Variants in MAP3K6 observed in about 807,000 individuals in gnomAD.
The protein encoded by MAP3K6 is mitogen-activated protein kinase kinase kinase 6, also known as apoptosis signal-regulating kinase 2.
A neutral mutation model predicts 147.1 loss-of-function variants in MAP3K6; 105 were observed. The observed-to-expected ratio is 0.71, with a 90% CI of 0.61 to 0.84. The LOEUF (loss-of-function observed/expected upper bound fraction) is 0.84. MAP3K6 is among the 40% of genes least tolerant of loss of function. The probability of loss-of-function intolerance (pLI) is 0.00; values close to 1 mark genes in which losing one functional copy is unlikely to be tolerated. For synonymous variants in MAP3K6, 695 were observed against 732.4 expected (o/e 0.95, Z 0.82); for missense variants, 1,569 against 1,715.0 (o/e 0.91, Z 1.50).
In MAP3K6 at chr1:27,366,042, C is replaced by T; in HGVS notation, c.340+216G>A. Among the ~76,000 whole-genome samples the T allele has an allele frequency of 6.6e-6, 1 of 152,028 alleles. No individual in the cohort carries two copies. ...CAACCTCGAGCCCTAGAGCCGCGCCCGGATCCCTGTCTCGTCCCGAGCCCG... is the reference window on the plus strand; with the variant it reads ...CAACCTCGAGCCCTAGAGCCGCGCCTGGATCCCTGTCTCGTCCCGAGCCCG... On this transcript the variant is annotated intron_variant, in intron 1 of 28. Transcript: ENST00000357582. The surrounding 1 kb of genome is among the most constrained non-coding windows in gnomAD (Gnocchi z 5.5).
chr1:27,360,642 C>G lies in MAP3K6; in HGVS notation c.2054+63G>C, dbSNP rs971280793. The G allele has an allele frequency of 7.1e-6, 11 of 1,554,164 alleles. No homozygotes were observed. Among genetic ancestry groups the G allele is most frequent in the African/African-American group, 1.4e-5 (1 of 73,458 alleles). On this transcript the variant is annotated intron_variant, in intron 15 of 28. Transcript: ENST00000357582. The surrounding 1 kb of genome is among the most constrained non-coding windows in gnomAD (Gnocchi z 4.5). ...CCCCGCCCACAGGAGCCGCTCCGCT[C>G]GTGGCCCGGCTCACTCGGCCCTCGC...
At position 27,358,784 on chromosome 1, in the gene MAP3K6, G is replaced by T. The variant is rs776884617; in HGVS notation, c.2508C>A (p.Gly836=). Reference sequence around the variant, plus strand: ...CTGTGGCCATCTCAATGACAGTGCAGCCCAGTGACCAGATGTCAGCTGCTT... The same window carrying T: ...CTGTGGCCATCTCAATGACAGTGCATCCCAGTGACCAGATGTCAGCTGCTT... ...YGKAADIWSL[G]CTVIEMATGR... Residue 836 remains glycine, a synonymous_variant, in exon 19 of 29, where the codon GGC becomes GGA. Coordinates refer to ENST00000357582, the MANE Select transcript of MAP3K6 (RefSeq NM_004672.5). This position sits in a 1 kb window ranked among gnomAD's most constrained non-coding sequence, Gnocchi z 6.2. 6 of 1,613,840 alleles carry T rather than the reference G, an allele frequency of 3.7e-6. No homozygotes were observed. Among genetic ancestry groups the T allele is most frequent in the Admixed American group, 3.3e-5 (2 of 59,980 alleles).
Position 27,364,736 on chromosome 1 carries a change from G to A in MAP3K6, c.480+37C>T. 1.2e-6 allele frequency: 2 copies of A among 1,614,064 alleles called. No homozygotes were observed. Among genetic ancestry groups the A allele is most frequent in the Non-Finnish European group, 1.7e-6 (2 of 1,179,944 alleles). ...GGTGTTCTGTGTAGGCCTTACCCCAGCCCTGTGCCTGCCTCCACCAGCCCC... is the reference window on the plus strand; with the variant it reads ...GGTGTTCTGTGTAGGCCTTACCCCAACCCTGTGCCTGCCTCCACCAGCCCC... On this transcript the variant is annotated intron_variant, in intron 2 of 28. Coordinates refer to ENST00000357582, the MANE Select transcript of MAP3K6 (RefSeq NM_004672.5). The surrounding 1 kb of genome is among the most constrained non-coding windows in gnomAD (Gnocchi z 4.4).
At position 27,362,146 on chromosome 1, in the gene MAP3K6, G is replaced by A. The variant is rs753492622; in HGVS notation, c.1360C>T (p.Pro454Ser). 3.1e-6 allele frequency: 5 copies of A among 1,613,728 alleles called. No homozygotes were observed. The East Asian group carries it at 6.7e-5, about 22-fold the overall frequency. ...YLGAQILAND[P>S]TQVVLAAEQL... The stretch of plus-strand genomic sequence containing the variant: ...TCTGCAGCCAGCACCACCTGGGTGG[G>A]GTCATTGGCGAGGATCTGGGCTCCC... Residue 454 changes from proline to serine, a missense_variant, in exon 9 of 29, where the codon CCC becomes TCC. By Grantham distance (74) the Pro-to-Ser change is moderately conservative (BLOSUM62 -1). Transcript: ENST00000357582.
In MAP3K6 at chr1:27,358,353, C is replaced by G; in HGVS notation, c.2777-34G>C. Reference sequence around the variant, plus strand: ...GGGACAGAGCCATCAGCTGGGCTCTCCTCCACCCTCACAGCTCCACAACTC... The same window carrying G: ...GGGACAGAGCCATCAGCTGGGCTCTGCTCCACCCTCACAGCTCCACAACTC... On this transcript the variant is annotated intron_variant, in intron 20 of 28. Coordinates refer to ENST00000357582, the MANE Select transcript of MAP3K6 (RefSeq NM_004672.5). The surrounding 1 kb of genome is among the most constrained non-coding windows in gnomAD (Gnocchi z 6.2). The G allele has an allele frequency of 6.3e-7, 1 of 1,593,232 alleles. No individual in the cohort carries two copies. Among genetic ancestry groups the G allele is most frequent in the Non-Finnish European group, 8.5e-7 (1 of 1,174,386 alleles).
rs764168908 is a variant in MAP3K6 at position 27,356,635 on chromosome 1, G to A, written c.3479C>T (p.Ala1160Val). The A allele has an allele frequency of 6.2e-7, 1 of 1,612,478 alleles. No homozygotes were observed. Among genetic ancestry groups the A allele is most frequent in the Non-Finnish European group, 8.5e-7 (1 of 1,179,224 alleles). ...GAGGCTCAGCTGCACCATCAGAGGA[G>A]CGGGGCCCTGCTCGGGCTCCACCGG... is the stretch of plus-strand genomic sequence containing the variant. ...PLPVEPEQGP[A>V]PLMVQLSLLR... Residue 1160 changes from alanine (A) to valine (V), a missense_variant, in exon 25 of 29, where the codon GCT (alanine) becomes GTT (valine). Ala to Val is a moderately conservative substitution (Grantham distance 64). Coordinates refer to ENST00000357582, the MANE Select transcript of MAP3K6 (RefSeq NM_004672.5).
At chr1:27,362,306 C>A in intron 8 of MAP3K6, 56 bp from the exon 9 acceptor site, 1 of 1,535,422 alleles carries the variant, frequency 6.5e-7, no homozygotes, top group Non-Finnish European at 8.8e-7. Context: ...GAGTGAGGCC[C>A]ACCATTTCTG....
Position 27,363,979 on chromosome 1 carries a change from T to C in MAP3K6, c.802A>G (p.Ser268Gly), listed in dbSNP as rs2015879079. 3 of 1,610,786 alleles carry C rather than the reference T, an allele frequency of 1.9e-6. No individual in the cohort carries two copies. The highest frequency in any genetic ancestry group is 2.5e-6 in the Non-Finnish European group (3 of 1,179,882). ...ATGTCGGGGCTCAGCAGCTCCACGC[T>C]GTCCAGTCTCCGCTGCAGGCGAGCC... ...ELARLQRRLD[S>G]VELLSPDIIM... The change falls in exon 5 of 29, where the codon AGC (serine) becomes GGC (glycine). Residue 268 changes from serine to glycine, a missense_variant. Physicochemically the swap from Ser to Gly is moderately conservative, Grantham distance 56. Coordinates refer to ENST00000357582, the MANE Select transcript of MAP3K6 (RefSeq NM_004672.5).
chr1:27,358,627 G>A lies in MAP3K6; in HGVS notation c.2584-16C>T, dbSNP rs372661490. Reference sequence around the variant, plus strand: ...ACATACCCACCTGTGGGGGGAGGGTGAACAAGGGTGACATTCAGAGGTGTC... The same window carrying A: ...ACATACCCACCTGTGGGGGGAGGGTAAACAAGGGTGACATTCAGAGGTGTC... On this transcript the variant is annotated splice_polypyrimidine_tract_variant and intron_variant, in intron 19 of 28. Transcript: ENST00000357582. The surrounding 1 kb of genome is among the most constrained non-coding windows in gnomAD (Gnocchi z 6.2). The A allele has an allele frequency of 3.1e-6, 5 of 1,613,342 alleles. No individual in the cohort carries two copies. The highest frequency in any genetic ancestry group is 1.3e-5 in the African/African-American group (1 of 74,902).
rs761377588 is a variant in MAP3K6 at position 27,360,401 on chromosome 1, C to G, written c.2055-33G>C. The G allele has an allele frequency of 6.2e-7, 1 of 1,600,046 alleles. No individual in the cohort carries two copies. Among genetic ancestry groups the G allele is most frequent in the Non-Finnish European group, 8.5e-7 (1 of 1,171,806 alleles). ...GAGGTAAGGGAGAGAGGAAAGGGAC[C>G]GAGGTGGGCAGAGAAGCCCCGCCCA... On this transcript the variant is annotated intron_variant, in intron 15 of 28. Transcript: ENST00000357582. The surrounding 1 kb of genome is among the most constrained non-coding windows in gnomAD (Gnocchi z 4.5).
Position 27,364,654 on chromosome 1 carries a change from T to C in MAP3K6, c.504+7A>G. On this transcript the variant is annotated splice_region_variant and intron_variant, in intron 3 of 28. Transcript: ENST00000357582. The surrounding 1 kb of genome is among the most constrained non-coding windows in gnomAD (Gnocchi z 4.4). ...GCACTTTTGAGTGAGAGGTGGATTCTGCTCACCGAGTTCTTCTGGAAAACA... is the reference window on the plus strand; with the variant it reads ...GCACTTTTGAGTGAGAGGTGGATTCCGCTCACCGAGTTCTTCTGGAAAACA... The C allele has an allele frequency of 6.2e-7, 1 of 1,614,140 alleles. No homozygotes were observed. The highest frequency in any genetic ancestry group is 1.7e-5 in the Admixed American group (1 of 60,006).
rs1465406331 is a variant in MAP3K6 at position 27,362,664 on chromosome 1, T to C, written c.1232A>G (p.Asp411Gly). Residue 411 changes from aspartate to glycine, a missense_variant, in exon 8 of 29, where the codon GAT becomes GGT. Transcript: ENST00000357582. ...LLIAAGQHFEDSKELRLIGMK... is the reference protein window; with the variant it reads ...LLIAAGQHFEGSKELRLIGMK... ...ACCTATTAGCCGGAGCTCTTTGGAA[T>C]CCTCAAAGTGCTGCCCGGCAGCAAT... 1.3e-6 allele frequency: 2 copies of C among 1,598,856 alleles called. No individual in the cohort carries two copies. Among genetic ancestry groups the C allele is most frequent in the Non-Finnish European group, 1.7e-6 (2 of 1,171,542 alleles).
chr1:27,356,393 G>C lies in MAP3K6; in HGVS notation c.3632C>G (p.Pro1211Arg). ...TCCAGCCAAGGCCCACTCACTTGGA[G>C]GCTCTGGGGCCAGGACATAGGTCCG... is the stretch of plus-strand genomic sequence containing the variant. ...EARTYVLAPE[P>R]PTALSTDQGL... Residue 1211 changes from proline to arginine, a missense_variant, in exon 26 of 29, where the codon CCT becomes CGT. Coordinates refer to ENST00000357582, the MANE Select transcript of MAP3K6 (RefSeq NM_004672.5). 1 of 1,606,696 alleles carries C rather than the reference G, an allele frequency of 6.2e-7. No individual in the cohort carries two copies. Among genetic ancestry groups the C allele is most frequent in the South Asian group, 1.1e-5 (1 of 89,998 alleles).
At position 27,358,672 on chromosome 1, in the gene MAP3K6, A is replaced by G; in HGVS notation, c.2583+37T>C. On this transcript the variant is annotated intron_variant, in intron 19 of 28. Coordinates refer to ENST00000357582, the MANE Select transcript of MAP3K6 (RefSeq NM_004672.5). The surrounding 1 kb of genome is among the most constrained non-coding windows in gnomAD (Gnocchi z 6.2). ...GGTGTCCAAGGCCCAGGCTGGCCCT[A>G]TGCCACTTCCATGGGCCAGGCCCAA... The G allele has an allele frequency of 1.9e-6, 3 of 1,613,682 alleles. No homozygotes were observed. Among genetic ancestry groups the G allele is most frequent in the Admixed American group, 1.7e-5 (1 of 59,994 alleles).
chr1:27,357,942 G>C lies in MAP3K6; in HGVS notation c.2916-66C>G, dbSNP rs1035620039. 2.1e-4 allele frequency: 322 copies of C among 1,500,730 alleles called. 1 individual carries two copies. The highest frequency in any genetic ancestry group is 1.2e-3 in the Middle Eastern group (5 of 4,188). The allele number at this position is 1,500,730 out of a possible 1,614,324, so 93.0% of individuals were successfully genotyped here. A position where few individuals can be genotyped will look rare whatever the true frequency, so the allele number is the denominator to read the frequency against. ...ACCGGCCAGTCACCTCTGTTGCCGG[G>C]TTTGAATCCTGGCTCTCCTACTTTT... On this transcript the variant is annotated intron_variant, in intron 21 of 28. Coordinates refer to ENST00000357582, the MANE Select transcript of MAP3K6 (RefSeq NM_004672.5).
In MAP3K6 at chr1:27,361,884, A is replaced by G; in HGVS notation, c.1416-17T>C. ...ACCAGGTACCTGCATGCAAAGCCAC[A>G]TCCTCAGTTCAGCCCAGGCACCAAC... On this transcript the variant is annotated splice_polypyrimidine_tract_variant and intron_variant, in intron 9 of 28. Coordinates refer to ENST00000357582, the MANE Select transcript of MAP3K6 (RefSeq NM_004672.5). The G allele has an allele frequency of 1.3e-6, 2 of 1,529,212 alleles. No homozygotes were observed. The highest frequency in any genetic ancestry group is 1.8e-6 in the Non-Finnish European group (2 of 1,134,828). 94.7% of individuals were successfully genotyped at this position (1,529,212 alleles called of 1,614,324 possible).
At position 27,362,250 on chromosome 1, in the gene MAP3K6, C is replaced by A; in HGVS notation, c.1256G>T (p.Gly419Val). 1 of 1,608,286 alleles carries A rather than the reference C, an allele frequency of 6.2e-7. No homozygotes were observed. The highest frequency in any genetic ancestry group is 8.5e-7 in the Non-Finnish European group (1 of 1,177,040). ...FEDSKELRLI[G>V]MKLGCLLARK... ...GGCCAGCAGGCAGCCCAGCTTCATGCCTGGGGGAGAGAGGCATGGGCTCCA... is the reference window on the plus strand; with the variant it reads ...GGCCAGCAGGCAGCCCAGCTTCATGACTGGGGGAGAGAGGCATGGGCTCCA... Residue 419 changes from glycine to valine, a missense_variant and splice_region_variant, in exon 9 of 29, where the codon GGC (glycine) becomes GTC (valine). Physicochemically the swap from Gly to Val is moderately radical, Grantham distance 109 (BLOSUM62 -3). Transcript: ENST00000357582.
Position 27,361,375 on chromosome 1 carries a change from G to A in MAP3K6, c.1707C>T (p.Thr569=), listed in dbSNP as rs758654656. The change falls in exon 12 of 29, where the codon ACC becomes ACT. Residue 569 remains threonine, a synonymous_variant. Transcript: ENST00000357582. The part of the protein sequence containing the change: ...PETQDIPSSW[T]FPVASICGVS... The stretch of plus-strand genomic sequence containing the variant: ...CTCCGCATATGGAGGCGACTGGGAA[G>A]GTCCAGCTGGAGGGAATGTCCTGCA... 6 of 1,613,858 alleles carry A rather than the reference G, an allele frequency of 3.7e-6. No homozygotes were observed. The highest frequency in any genetic ancestry group is 3.4e-6 in the Non-Finnish European group (4 of 1,180,006).
rs376624035 is a variant in MAP3K6, at chr1:27,362,301, A to G, written c.1256-51T>C. The G allele has an allele frequency of 6.8e-3, 10,467 of 1,544,526 alleles. 713 individuals carry two copies. In the South Asian group the frequency reaches 0.12, roughly 17 times the overall value. On this transcript the variant is annotated intron_variant, in intron 8 of 28. Coordinates refer to ENST00000357582, the MANE Select transcript of MAP3K6 (RefSeq NM_004672.5). The stretch of plus-strand genomic sequence containing the variant: ...GTGAGTGTGGGTGCAGGGGTGAGTG[A>G]GGCCCACCATTTCTGTGGGCCCGAG...
Sources: gnomAD v4.1 joint callset for allele counts (sites outside exome capture counted in the v4.1 genomes callset) on GRCh38, gnomAD v4.1.1 for gene constraint, Gnocchi (gnomAD v3.1) non-coding constraint, MANE v1.5 for transcripts, NCBI Gene and HGNC (gene_info 2026-07-23, HGNC 2026-07-21) for gene names.